Variants in DOK6 observed in about 807,000 individuals in gnomAD.
DOK6 encodes docking protein 6, also known as downstream of tyrosine kinase 6.
A neutral mutation model predicts 44.0 loss-of-function variants in DOK6; 22 were observed. That is an observed-to-expected ratio of 0.50 (90% confidence interval 0.36 to 0.71). DOK6 has a LOEUF of 0.71. Among genes scored for constraint, DOK6 ranks in the 30% least tolerant of loss-of-function variants. The pLI is 0.00. For synonymous variants in DOK6, 166 were observed against 145.5 expected (o/e 1.14, Z -1.01); for missense variants, 340 against 416.4 (o/e 0.82, Z 1.60).
chr18:69,634,185 T>C (rs1378847961), intron 3 of DOK6, among the ~76,000 whole-genome samples: 1 of 152,098 alleles, frequency 6.6e-6, no homozygotes, highest in African/African-American at 2.4e-5. Context: ...AGTACAATGG[T>C]AGTATGGTCT....
chr18:69,683,596 C>T (rs953657996), intron 4 of DOK6, among the ~76,000 whole-genome samples: 1 of 152,164 alleles, frequency 6.6e-6, no homozygotes, highest in African/African-American at 2.4e-5. Flanking sequence ...AGCCAAGGAA[C>T]ATCAAGCATT....
intron 6 of DOK6, among the ~76,000 whole-genome samples, chr18:69,755,887 T>G (rs1172559866): frequency 6.6e-6 from 1 of 152,110 alleles, no homozygotes; most frequent in Non-Finnish European, 1.5e-5. Context: ...AAAGGGGAGC[T>G]CTCAGCAAAG....
At chr18:69,595,782 C>T (rs1245719374) in intron 2 of DOK6, among the ~76,000 whole-genome samples, 1 of 152,002 alleles carries the variant, frequency 6.6e-6, no homozygotes, top group African/African-American at 2.4e-5. Context: ...TATTTTGGTG[C>T]AAAAAATTTT....
intron 1 of DOK6, among the ~76,000 whole-genome samples, chr18:69,413,500 A>G (rs1978314784): frequency 6.6e-6 from 1 of 152,118 alleles, no homozygotes; most frequent in Non-Finnish European, 1.5e-5. Flanking sequence ...AAGGTGGAAA[A>G]CTAATTTGAT....
At chr18:69,666,822 G>A (rs1302034125) in intron 3 of DOK6, among the ~76,000 whole-genome samples, 2 of 152,192 alleles carry the variant, frequency 1.3e-5, no homozygotes, top group Non-Finnish European at 2.9e-5. Context: ...TTGCCTGCAG[G>A]CTGCCATCAG....
intron 7 of DOK6, among the ~76,000 whole-genome samples, chr18:69,838,258 A>G (rs1982109120): frequency 6.6e-6 from 1 of 150,656 alleles, no homozygotes; most frequent in South Asian, 2.1e-4. Context: ...AAAAAACAGG[A>G]TAAAACCAAG....
chr18:69,402,204 T>C (rs1599113928), intron 1 of DOK6, among the ~76,000 whole-genome samples: 1 of 151,878 alleles, frequency 6.6e-6, no homozygotes, highest in African/African-American at 2.4e-5. Flanking sequence ...GGCTGGCTGG[T>C]CCAGAAAAGC....
At chr18:69,784,082 G>A (rs934096152) in intron 7 of DOK6, among the ~76,000 whole-genome samples, 1 of 152,118 alleles carries the variant, frequency 6.6e-6, no homozygotes, top group African/African-American at 2.4e-5. Context: ...AGCTACTCGG[G>A]AAGCTGAGTG....
At chr18:69,782,491 G>A (rs28616015) in intron 7 of DOK6, among the ~76,000 whole-genome samples, 2 of 151,888 alleles carry the variant, frequency 1.3e-5, no homozygotes, top group Non-Finnish European at 2.9e-5. Flanking sequence ...GATTACAGGC[G>A]TGAGCCACCG....
At chr18:69,489,805 A>C (rs1452019064) in intron 1 of DOK6, among the ~76,000 whole-genome samples, 1 of 152,152 alleles carries the variant, frequency 6.6e-6, no homozygotes, top group South Asian at 2.1e-4. Flanking sequence ...AGCTGACACA[A>C]GTTAATATTT....
At chr18:69,763,466 G>A (rs902177732) in intron 7 of DOK6, among the ~76,000 whole-genome samples, 1 of 152,102 alleles carries the variant, frequency 6.6e-6, no homozygotes, top group Non-Finnish European at 1.5e-5. Flanking sequence ...TTTTAAACTC[G>A]CAACTCTGAA....
At chr18:69,767,628 T>C (rs1188142287) in intron 7 of DOK6, among the ~76,000 whole-genome samples, 1 of 151,918 alleles carries the variant, frequency 6.6e-6, no homozygotes, top group Non-Finnish European at 1.5e-5. Flanking sequence ...ACTAATTAGC[T>C]TACCCTAACT....
At chr18:69,648,156 C>G (rs552761059) in intron 3 of DOK6, among the ~76,000 whole-genome samples, 1 of 152,150 alleles carries the variant, frequency 6.6e-6, no homozygotes, top group Non-Finnish European at 1.5e-5. Flanking sequence ...AATGAAACTA[C>G]GGCCACATTC....
chr18:69,537,664 A>T (rs1452295243), intron 1 of DOK6, among the ~76,000 whole-genome samples: 1 of 152,232 alleles, frequency 6.6e-6, no homozygotes, highest in Non-Finnish European at 1.5e-5. Flanking sequence ...TTACACAAAT[A>T]TGCAAACTTC....
intron 3 of DOK6, among the ~76,000 whole-genome samples, chr18:69,638,286 A>C (rs1474541825): frequency 1.3e-5 from 2 of 152,246 alleles, no homozygotes; most frequent in Admixed American, 1.3e-4. Context: ...ACAGTTTGCC[A>C]ACCCTTCCTG....
intron 5 of DOK6, among the ~76,000 whole-genome samples, chr18:69,716,657 A>T: frequency 7.2e-6 from 1 of 139,134 alleles, no homozygotes; most frequent in Non-Finnish European, 1.5e-5. Context: ...AGTTGCTCAT[A>T]GTTGTTTTGG....
At chr18:69,832,124 G>C (rs1981917325) in intron 7 of DOK6, among the ~76,000 whole-genome samples, 1 of 152,138 alleles carries the variant, frequency 6.6e-6, no homozygotes, top group African/African-American at 2.4e-5. Flanking sequence ...TTAGTGGAAA[G>C]GCTTTCAATT....
chr18:69,629,665 T>C (rs959817892), intron 3 of DOK6, among the ~76,000 whole-genome samples: 1 of 152,226 alleles, frequency 6.6e-6, no homozygotes, highest in Admixed American at 6.5e-5. Context: ...CTTAACAGGC[T>C]GATCATTTCC....
intron 5 of DOK6, among the ~76,000 whole-genome samples, chr18:69,716,348 G>C (rs568950873): frequency 6.6e-6 from 1 of 152,158 alleles, no homozygotes; most frequent in Non-Finnish European, 1.5e-5. Flanking sequence ...CATGCAATGC[G>C]AACTATGAGG....
Sources: gnomAD v4.1 joint callset for allele counts (sites outside exome capture counted in the v4.1 genomes callset) on GRCh38, gnomAD v4.1.1 for gene constraint, MANE v1.5 for transcripts, NCBI Gene and HGNC (gene_info 2026-07-23, HGNC 2026-07-21) for gene names.